Variants in COG6 observed in about 807,000 individuals in gnomAD.
COG6 encodes component of oligomeric golgi complex 6, also known as conserved oligomeric Golgi complex subunit 6.
Under a neutral mutation model 88.8 loss-of-function variants are expected in COG6, and 74 were observed. The observed-to-expected ratio is 0.83, with a 90% CI of 0.69 to 1.01. The LOEUF (loss-of-function observed/expected upper bound fraction) is 1.01, where lower values mean the gene tolerates loss of function less well. Ranked by LOEUF, COG6 falls within the 50% of genes least tolerant of loss-of-function variation. The probability of loss-of-function intolerance (pLI) is 0.00; values close to 1 mark genes in which losing one functional copy is unlikely to be tolerated. For missense variants in COG6, 800 were observed against 797.9 expected (o/e 1.00, Z -0.03); for synonymous variants, 286 against 278.7 (o/e 1.03, Z -0.26).
In COG6 at chr13:39,677,893, A is replaced by G. The variant is rs9576886; in HGVS notation, c.540+314A>G. Among the ~76,000 whole-genome samples, 34,114 of 151,984 alleles carry G rather than the reference A, an allele frequency of 0.22. 4,146 individuals carry two copies. The highest frequency in any genetic ancestry group is 0.28 in the Non-Finnish European group (18,814 of 67,958). ...ATTCTATATTCTAGATCTATAGTTA[A>G]AAAGAATATGCTTTGATTATCTATG... On this transcript the variant is annotated intron_variant, in intron 5 of 18. Coordinates refer to ENST00000455146, the MANE Select transcript of COG6 (RefSeq NM_020751.3).
intron 18 of COG6, among the ~76,000 whole-genome samples, chr13:39,740,050 G>A (rs191725289): frequency 8.9e-4 from 136 of 152,082 alleles, no homozygotes; most frequent in African/African-American, 3.1e-3. Flanking sequence ...GATAATATAC[G>A]TGGAAAATTA....
At chr13:39,720,082 A>G (rs1175373114) in intron 15 of COG6, among the ~76,000 whole-genome samples, 1 of 151,884 alleles carries the variant, frequency 6.6e-6, no homozygotes, top group Non-Finnish European at 1.5e-5. Flanking sequence ...AATGTTTAAA[A>G]TACTTGATTC....
chr13:39,754,112 T>C (rs1333590597), downstream of COG6, among the ~76,000 whole-genome samples: 1 of 152,078 alleles, frequency 6.6e-6, no homozygotes, highest in African/African-American at 2.4e-5. Flanking sequence ...CTAATTTTCC[T>C]CCCATTTCAT....
chr13:39,774,271 GA>G (rs1881400467), intron 18 of COG6, among the ~76,000 whole-genome samples: 1 of 152,078 alleles, frequency 6.6e-6, no homozygotes, highest in South Asian at 2.1e-4. Flanking sequence ...TTTTGCCAGT[GA>G]AAAATCATTT....
intron 13 of COG6, 90 bp downstream of exon 13, chr13:39,699,708 C>T (rs1193591067): frequency 1.9e-5 from 14 of 731,120 alleles, no homozygotes; most frequent in Non-Finnish European, 3.2e-5. Flanking sequence ...TAACTTTTCC[C>T]ATTACATTCT....
At chr13:39,712,936 A>G (rs1482687715) in intron 13 of COG6, among the ~76,000 whole-genome samples, 1 of 152,342 alleles carries the variant, frequency 6.6e-6, no homozygotes, top group East Asian at 1.9e-4. Context: ...CATGACAAAA[A>G]TAGAGGGAAA....
At chr13:39,740,945 A>G (rs1309475626) in intron 18 of COG6, among the ~76,000 whole-genome samples, 2 of 152,178 alleles carry the variant, frequency 1.3e-5, no homozygotes, top group South Asian at 2.1e-4. Context: ...TAGTGATCAC[A>G]GAATCTGATG....
At chr13:39,680,561 G>A (rs544354281) in intron 7 of COG6, among the ~76,000 whole-genome samples, 58 of 152,300 alleles carry the variant, frequency 3.8e-4, no homozygotes, top group African/African-American at 1.4e-3. Context: ...AAATCTAAAT[G>A]TTGGTAGACC....
At chr13:39,664,790 TCTTAA>T (rs1875140637) in intron 3 of COG6, among the ~76,000 whole-genome samples, 2 of 152,210 alleles carry the variant, frequency 1.3e-5, no homozygotes, top group African/African-American at 4.8e-5. Context: ...TGTTCTTCAT[TCTTAA>T]CTTGTTTTTC....
intron 13 of COG6, among the ~76,000 whole-genome samples, chr13:39,704,082 ATTATTG>A (rs1877742808): frequency 6.6e-6 from 1 of 152,064 alleles, no homozygotes; most frequent in Non-Finnish European, 1.5e-5. Context: ...ACTGAAGTTT[ATTATTG>A]TTCAGACTGA....
At chr13:39,682,994 A>T (rs1007527460) in intron 8 of COG6, among the ~76,000 whole-genome samples, 1 of 152,050 alleles carries the variant, frequency 6.6e-6, no homozygotes. Flanking sequence ...CCCTTTCAGA[A>T]TCTGTTTATA....
chr13:39,761,877 T>C (rs1404638269), intron 18 of COG6, among the ~76,000 whole-genome samples: 2 of 151,554 alleles, frequency 1.3e-5, no homozygotes, highest in Admixed American at 6.6e-5. Context: ...AAATAACAAA[T>C]GTTGACAAGA....
intron 13 of COG6, among the ~76,000 whole-genome samples, chr13:39,702,215 A>G (rs554989624): frequency 1.3e-5 from 2 of 152,154 alleles, no homozygotes; most frequent in South Asian, 2.1e-4. Context: ...TGCCAGGCCT[A>G]GTTCAGATTA....
intron 18 of COG6, among the ~76,000 whole-genome samples, chr13:39,747,063 G>A (rs1194235756): frequency 6.6e-6 from 1 of 152,102 alleles, no homozygotes; most frequent in Non-Finnish European, 1.5e-5. Flanking sequence ...GGTTTATAGT[G>A]GAGAAAGCAG....
chr13:39,730,122 A>G (rs1292486704), intron 18 of COG6, among the ~76,000 whole-genome samples: 3 of 152,042 alleles, frequency 2.0e-5, no homozygotes, highest in Non-Finnish European at 4.4e-5. Context: ...AAGTTTTGGT[A>G]CTTTTTTTTA....
chr13:39,678,321 A>G (rs989501818), intron 5 of COG6, among the ~76,000 whole-genome samples: 10 of 152,022 alleles, frequency 6.6e-5, no homozygotes, highest in Non-Finnish European at 1.3e-4. Context: ...CGATGTGCCT[A>G]CCTCGGCCTC....
intron 18 of COG6, among the ~76,000 whole-genome samples, chr13:39,777,204 A>G (rs9532430): frequency 0.63 from 95,046 of 151,982 alleles, 30,414 homozygotes; most frequent in East Asian, 0.77. Flanking sequence ...TAAGCATTCA[A>G]ATAGATAGTG....
intron 17 of COG6, among the ~76,000 whole-genome samples, chr13:39,726,767 A>G (rs1053964296): frequency 6.6e-6 from 1 of 151,948 alleles, no homozygotes; most frequent in African/African-American, 2.4e-5. Context: ...TCAAGTCTTC[A>G]TGCTGTCTCC....
At chr13:39,702,930 C>A (rs564715426) in intron 13 of COG6, among the ~76,000 whole-genome samples, 5 of 152,204 alleles carry the variant, frequency 3.3e-5, no homozygotes, top group Admixed American at 3.3e-4. Flanking sequence ...TGGTTCAGTT[C>A]ATTTTCTGCT....
Sources: allele counts gnomAD v4.1 joint callset (sites outside exome capture counted in the v4.1 genomes callset), GRCh38; gene constraint gnomAD v4.1.1; transcripts MANE v1.5; gene names NCBI Gene and HGNC (gene_info 2026-07-23, HGNC 2026-07-21).